Variants in DAAM1 observed in about 807,000 individuals in gnomAD.
The protein encoded by DAAM1 is dishevelled associated activator of morphogenesis 1, also known as disheveled-associated activator of morphogenesis 1.
In DAAM1, 52 loss-of-function variants were observed where a neutral mutation model predicts 130.0. The ratio of observed to expected loss-of-function variants is 0.40; its 90% CI spans 0.32 to 0.50. The LOEUF (loss-of-function observed/expected upper bound fraction) is 0.50, where lower values mean the gene tolerates loss of function less well. Ranked by LOEUF, DAAM1 falls within the 20% of genes least tolerant of loss-of-function variation. DAAM1 has a pLI of 0.61. For synonymous variants in DAAM1, 452 were observed against 444.5 expected (o/e 1.02, Z -0.21); for missense variants, 1,134 against 1,303.8 (o/e 0.87, Z 2.01).
intron 16 of DAAM1, 128 bp downstream of exon 16, chr14:59,340,308 T>A: frequency 1.2e-6 from 1 of 800,966 alleles, no homozygotes; most frequent in Non-Finnish European, 2.0e-6. Context: ...TCCCCTTCTG[T>A]TAAAATGAGA....
chr14:59,265,246 G>A lies in DAAM1; in HGVS notation c.183+1586G>A, dbSNP rs533022451. 2.0e-5 allele frequency: 3 copies of A among 152,310 alleles called. No homozygotes were observed. In the South Asian group the frequency reaches 6.2e-4, roughly 32 times the overall value. 9.4% of individuals were successfully genotyped at this position (152,310 alleles called of 1,614,324 possible). On this transcript the variant is annotated intron_variant, in intron 2 of 24. Transcript: ENST00000360909. ...GCTGATGTTTGATTTCTGGTCTCCT[G>A]CGTGGAGCGATGGGCCTATTGCCAA...
At chr14:59,339,197 T>C (rs1050162561) in intron 15 of DAAM1, among the ~76,000 whole-genome samples, 7 of 152,370 alleles carry the variant, frequency 4.6e-5, no homozygotes, top group African/African-American at 1.4e-4. Flanking sequence ...TAAGATTCTT[T>C]ATCTTTGTGT....
chr14:59,265,354 G>T (rs970836357), intron 2 of DAAM1: 5 of 152,184 alleles, frequency 3.3e-5, no homozygotes, highest in Admixed American at 3.3e-4. Flanking sequence ...AGTGTTTAAG[G>T]AATCTCTTCC....
At chr14:59,276,902 A>T (rs1477624004) in intron 2 of DAAM1, among the ~76,000 whole-genome samples, 1 of 152,188 alleles carries the variant, frequency 6.6e-6, no homozygotes, top group East Asian at 1.9e-4. Flanking sequence ...CCTCCTGCCC[A>T]TTCCCCCACC....
intron 1 of DAAM1, among the ~76,000 whole-genome samples, chr14:59,240,494 A>G (rs980145459): frequency 2.0e-5 from 3 of 152,124 alleles, no homozygotes; most frequent in Non-Finnish European, 4.4e-5. Context: ...TGGAAAGTTC[A>G]AGGGGTATTT....
intron 16 of DAAM1, among the ~76,000 whole-genome samples, chr14:59,341,604 CA>C (rs910820653): frequency 8.6e-5 from 13 of 151,730 alleles, no homozygotes; most frequent in African/African-American, 2.9e-4. Context: ...TATGTATAGA[CA>C]AAAAAAACAT....
In DAAM1 at chr14:59,370,548, A is replaced by C. The variant is rs1887127537; in HGVS notation, c.*1689A>C. ...TTATCTGTGCTATGTGAAAGCTGTG[A>C]AATAGTGCTCTAAGAGTTGTCAAGA... On this transcript the variant is annotated 3_prime_UTR_variant, in exon 25 of 25. Transcript: ENST00000360909. 6.6e-6 allele frequency: 1 copy of C among 152,160 alleles called. No individual in the cohort carries two copies. Among genetic ancestry groups the C allele is most frequent in the African/African-American group, 2.4e-5 (1 of 41,432 alleles). The allele number at this position is 152,160 out of a possible 1,614,324, so 9.4% of individuals were successfully genotyped here.
chr14:59,216,478 T>C (rs1251236320), intron 1 of DAAM1, among the ~76,000 whole-genome samples: 1 of 152,200 alleles, frequency 6.6e-6, no homozygotes, highest in Non-Finnish European at 1.5e-5. Context: ...ACCAGCACTT[T>C]GGGAGGCCGA....
chr14:59,354,298 G>A (rs896088554), intron 19 of DAAM1, among the ~76,000 whole-genome samples: 2 of 152,172 alleles, frequency 1.3e-5, no homozygotes, highest in African/African-American at 4.8e-5. Context: ...CTGACCTCGT[G>A]ATCTGCCCAC....
At chr14:59,329,112 T>A (rs1041216341) in intron 12 of DAAM1, among the ~76,000 whole-genome samples, 1 of 152,194 alleles carries the variant, frequency 6.6e-6, no homozygotes, top group African/African-American at 2.4e-5. Context: ...AGGCTGGAGC[T>A]TCCCAAACCT....
In DAAM1 at chr14:59,326,661, T is replaced by C; in HGVS notation, c.1313+13T>C. On this transcript the variant is annotated intron_variant, in intron 11 of 24. Coordinates refer to ENST00000360909, the MANE Select transcript of DAAM1 (RefSeq NM_001270520.2). Reference sequence around the variant, plus strand: ...ATGTCGTACGAATGTAAGTCTCTTCTTATTCTGCTGCTGTGAGATAATGGT... The same window carrying C: ...ATGTCGTACGAATGTAAGTCTCTTCCTATTCTGCTGCTGTGAGATAATGGT... 1 of 1,609,788 alleles carries C rather than the reference T, an allele frequency of 6.2e-7. No homozygotes were observed. Among genetic ancestry groups the C allele is most frequent in the African/African-American group, 1.3e-5 (1 of 74,782 alleles).
chr14:59,222,389 T>G (rs1267282321), intron 1 of DAAM1, among the ~76,000 whole-genome samples: 4 of 152,214 alleles, frequency 2.6e-5, no homozygotes, highest in African/African-American at 7.2e-5. Context: ...TGTGCCTTCC[T>G]TGATGGAAGA....
intron 5 of DAAM1, 92 bp from the exon 6 acceptor site, chr14:59,322,800 A>G (rs527611544): frequency 3.6e-4 from 385 of 1,061,640 alleles, no homozygotes; most frequent in South Asian, 4.7e-4. Context: ...TAGGAACTAA[A>G]TCTTTCTTTC....
At chr14:59,209,604 A>G (rs2139408350) in intron 1 of DAAM1, among the ~76,000 whole-genome samples, 1 of 152,314 alleles carries the variant, frequency 6.6e-6, no homozygotes, top group African/African-American at 2.4e-5. Context: ...ACACTTTATT[A>G]TACAATAGGC....
chr14:59,217,808 T>TAA (rs202027124), intron 1 of DAAM1, among the ~76,000 whole-genome samples: 1 of 151,518 alleles, frequency 6.6e-6, no homozygotes, highest in Non-Finnish European at 1.5e-5. Flanking sequence ...CTGTCTGTAC[T>TAA]AAAAAAAACC....
At chr14:59,314,936 T>A (rs1254621181) in intron 3 of DAAM1, among the ~76,000 whole-genome samples, 1 of 152,184 alleles carries the variant, frequency 6.6e-6, no homozygotes, top group Non-Finnish European at 1.5e-5. Flanking sequence ...ATGGATTCCA[T>A]CCAGGTGTAT....
At chr14:59,251,892 C>G (rs1881658958) in intron 1 of DAAM1, among the ~76,000 whole-genome samples, 1 of 152,130 alleles carries the variant, frequency 6.6e-6, no homozygotes, top group Non-Finnish European at 1.5e-5. Flanking sequence ...CTTCTCCTTG[C>G]TGCATCATCA....
intron 3 of DAAM1, among the ~76,000 whole-genome samples, chr14:59,294,653 T>C (rs1883883337): frequency 6.6e-6 from 1 of 152,200 alleles, no homozygotes; most frequent in Non-Finnish European, 1.5e-5. Flanking sequence ...TTTGTGGTTC[T>C]TATCTTTAAA....
chr14:59,344,844 C>T (rs1037898514), intron 16 of DAAM1, among the ~76,000 whole-genome samples: 2 of 152,158 alleles, frequency 1.3e-5, no homozygotes, highest in Non-Finnish European at 2.9e-5. Context: ...GTATTGTTCT[C>T]GCTCTGATTT....
Sources: gnomAD v4.1 joint callset for allele counts (sites outside exome capture counted in the v4.1 genomes callset) on GRCh38, gnomAD v4.1.1 for gene constraint, MANE v1.5 for transcripts, NCBI Gene and HGNC (gene_info 2026-07-23, HGNC 2026-07-21) for gene names.